The following NYAP2 variants were observed in gnomAD, a reference collection of about 807,000 sequenced individuals.
NYAP2 encodes neuronal tyrosine-phosphorylated phosphoinositide-3-kinase adaptor 2.
A neutral mutation model predicts 50.4 loss-of-function variants in NYAP2; 23 were observed. The observed-to-expected ratio is 0.46, with a 90% confidence interval of 0.33 to 0.65. The LOEUF (loss-of-function observed/expected upper bound fraction) is 0.65, where lower values mean the gene tolerates loss of function less well. Ranked by LOEUF, NYAP2 falls within the 30% of genes least tolerant of loss-of-function variation. The pLI is 0.02. For synonymous variants in NYAP2, 394 were observed against 365.2 expected, an observed-to-expected ratio of 1.08 and a Z score of -0.90; for missense variants, 885 against 861.0, an observed-to-expected ratio of 1.03 and a Z score of -0.35.
intron 5 of NYAP2, among the ~76,000 whole-genome samples, chr2:225,624,234 ACT>A (rs1693170479): frequency 6.6e-6 from 1 of 152,166 alleles, no homozygotes; most frequent in African/African-American, 2.4e-5. Flanking sequence ...TCTCAAATAA[ACT>A]CTGCTAAATT....
At chr2:225,539,941 A>T (rs1300885253) in intron 4 of NYAP2, among the ~76,000 whole-genome samples, 1 of 152,136 alleles carries the variant, frequency 6.6e-6, no homozygotes, top group African/African-American at 2.4e-5. Flanking sequence ...ACCCTTAATC[A>T]TCTCTCTCAA....
intron 4 of NYAP2, among the ~76,000 whole-genome samples, chr2:225,571,839 T>G (rs1692078856): frequency 6.6e-6 from 1 of 152,144 alleles, no homozygotes; most frequent in East Asian, 1.9e-4. Flanking sequence ...AGAAAATGGG[T>G]TTTTCTTTTC....
chr2:225,413,203 T>C (rs542012320), intron 3 of NYAP2, among the ~76,000 whole-genome samples: 9 of 152,290 alleles, frequency 5.9e-5, no homozygotes, highest in South Asian at 4.1e-4. Context: ...CTCAAGTGTC[T>C]TTCTTTTCCA....
intron 5 of NYAP2, among the ~76,000 whole-genome samples, chr2:225,622,886 C>T (rs1693146671): frequency 6.6e-6 from 1 of 152,100 alleles, no homozygotes; most frequent in African/African-American, 2.4e-5. Context: ...TGCCCAGCCA[C>T]AACCAGTTTT....
Position 225,582,562 on chromosome 2 carries a change from C to A in NYAP2, c.1145C>A (p.Thr382Lys). The A allele has an allele frequency of 1.9e-6, 3 of 1,586,330 alleles. No homozygotes were observed. Among genetic ancestry groups the A allele is most frequent in the Non-Finnish European group, 2.6e-6 (3 of 1,166,962 alleles). Reference sequence around the variant, plus strand: ...CAGCCAGCCGGGGCGTCGCCCTCCACGCTGCCGTCCCACGTCCCCGGCCAT... The same window carrying A: ...CAGCCAGCCGGGGCGTCGCCCTCCAAGCTGCCGTCCCACGTCCCCGGCCAT... Residue 382 changes from threonine to lysine, a missense_variant, in exon 5 of 7, where the codon ACG (threonine) becomes AAG (lysine). Thr to Lys is a moderately conservative substitution (Grantham distance 78). Transcript: ENST00000636099. The surrounding 1 kb of genome is among the most constrained non-coding windows in gnomAD (Gnocchi z 7.0).
intron 3 of NYAP2, among the ~76,000 whole-genome samples, chr2:225,454,671 A>T (rs1377990783): frequency 6.6e-6 from 1 of 152,062 alleles, no homozygotes; most frequent in Non-Finnish European, 1.5e-5. Context: ...AGGAGCATGA[A>T]CCCTATTGTG....
the NYAP2 span, among the ~76,000 whole-genome samples, chr2:225,665,180 A>G: frequency 1.4e-3 from 206 of 152,194 alleles, no homozygotes; most frequent in Non-Finnish European, 8.8e-4. Flanking sequence ...GCATAAGTTT[A>G]TTGAAGCTGA....
At chr2:225,687,772 A>G in the NYAP2 span, among the ~76,000 whole-genome samples, 15 of 152,172 alleles carry the variant, frequency 9.9e-5, no homozygotes, top group Non-Finnish European at 2.2e-4. Flanking sequence ...CAAAATCTCA[A>G]TTGATTCTTT....
chr2:225,605,786 T>C (rs1374563418), intron 5 of NYAP2, among the ~76,000 whole-genome samples: 1 of 152,140 alleles, frequency 6.6e-6, no homozygotes, highest in African/African-American at 2.4e-5. Flanking sequence ...ATAGATTAGC[T>C]CCTATTTATT....
chr2:225,456,830 G>C (rs891765348), intron 3 of NYAP2, among the ~76,000 whole-genome samples: 1 of 152,114 alleles, frequency 6.6e-6, no homozygotes, highest in African/African-American at 2.4e-5. Context: ...TGCACCTAAA[G>C]GGAAAGGAAT....
intron 6 of NYAP2, among the ~76,000 whole-genome samples, chr2:225,649,329 A>G (rs766958041): frequency 2.6e-5 from 4 of 152,184 alleles, no homozygotes; most frequent in Non-Finnish European, 5.9e-5. Context: ...GATCGGTTGG[A>G]AAGTAAAGTC....
At chr2:225,626,190 G>A (rs755769731) in intron 5 of NYAP2, among the ~76,000 whole-genome samples, 13 of 152,156 alleles carry the variant, frequency 8.5e-5, no homozygotes, top group Non-Finnish European at 1.9e-4. Flanking sequence ...TTGGATAAAT[G>A]AATGTAAAGA....
intron 3 of NYAP2, among the ~76,000 whole-genome samples, chr2:225,448,144 C>A (rs1689590848): frequency 6.6e-6 from 1 of 152,122 alleles, no homozygotes; most frequent in Admixed American, 6.6e-5. Flanking sequence ...GAAAGCAGAG[C>A]AAAGAAAGCA....
chr2:225,541,114 G>T (rs914400275), intron 4 of NYAP2, among the ~76,000 whole-genome samples: 21 of 152,072 alleles, frequency 1.4e-4, no homozygotes, highest in Admixed American at 2.6e-4. Flanking sequence ...TGTTCAGATA[G>T]TTGCCCATTT....
At chr2:225,661,880 C>T in the NYAP2 span, among the ~76,000 whole-genome samples, 1 of 152,058 alleles carries the variant, frequency 6.6e-6, no homozygotes, top group Admixed American at 6.6e-5. Flanking sequence ...TGCACCACCA[C>T]ACCTGGCTAA....
chr2:225,582,855 G>T lies in NYAP2; in HGVS notation c.1438G>T (p.Val480Leu), dbSNP rs760861891. 6.2e-7 allele frequency: 1 copy of T among 1,613,786 alleles called. No homozygotes were observed. The highest frequency in any genetic ancestry group is 2.2e-5 in the East Asian group (1 of 44,862). ...AGTGCCTCACTCGACCCCCAGACCCGTGTCGCAAGATGGGGCCAAGATGGT... is the reference window on the plus strand; with the variant it reads ...AGTGCCTCACTCGACCCCCAGACCCTTGTCGCAAGATGGGGCCAAGATGGT... The change falls in exon 5 of 7, where the codon GTG (valine) becomes TTG (leucine). Residue 480 changes from valine (V) to leucine (L), a missense_variant. Transcript: ENST00000636099. The surrounding 1 kb of genome is among the most constrained non-coding windows in gnomAD (Gnocchi z 7.0).
At chr2:225,653,064 A>C (rs1693763483) in exon 7 of NYAP2, 2 of 152,238 alleles carry the variant, frequency 1.3e-5, no homozygotes, top group African/African-American at 4.8e-5. Flanking sequence ...AAGTAGAAAC[A>C]GTAAGACACT....
rs1691965407 is a variant in NYAP2, at chr2:225,566,476, AT to A, written c.524-15464del. On this transcript the variant is annotated intron_variant, in intron 4 of 6. Coordinates refer to ENST00000636099, the Ensembl canonical transcript of NYAP2. Reference sequence around the variant, plus strand: ...CCCCAAGGACAGGAGAAATGTTCCAATCATTAATCGGATTTTTCTCCCAACT... The same window carrying A: ...CCCCAAGGACAGGAGAAATGTTCCAACATTAATCGGATTTTTCTCCCAACT... 3.9e-5 allele frequency among the ~76,000 whole-genome samples: 6 copies of A among 152,336 alleles called. No homozygotes were observed. In the South Asian group the frequency reaches 1.2e-3, roughly 32 times the overall value.
At chr2:225,592,487 A>G (rs1317835222) in intron 5 of NYAP2, among the ~76,000 whole-genome samples, 3 of 152,204 alleles carry the variant, frequency 2.0e-5, no homozygotes, top group Non-Finnish European at 4.4e-5. Flanking sequence ...ACAGAATCAG[A>G]CACTCATCCT....
Sources: gnomAD v4.1 joint callset for allele counts (sites outside exome capture counted in the v4.1 genomes callset) on GRCh38, gnomAD v4.1.1 for gene constraint, Gnocchi (gnomAD v3.1) non-coding constraint, MANE v1.5 for transcripts, NCBI Gene and HGNC (gene_info 2026-07-23, HGNC 2026-07-21) for gene names.